Variants in CDKAL1 observed in about 807,000 individuals in gnomAD.
CDKAL1 encodes the protein CDKAL1 threonylcarbamoyladenosine tRNA methylthiotransferase.
In CDKAL1, 32 loss-of-function variants were observed where a neutral mutation model predicts 68.2. The observed-to-expected ratio is 0.47, with a 90% CI of 0.35 to 0.63. The LOEUF is 0.63. Ranked by LOEUF, CDKAL1 falls within the 30% of genes least tolerant of loss-of-function variation. The probability of loss-of-function intolerance (pLI) is 0.00; values close to 1 mark genes in which losing one functional copy is unlikely to be tolerated. For synonymous variants in CDKAL1, 234 were observed against 244.3 expected, an observed-to-expected ratio of 0.96 and a Z score of 0.39; for missense variants, 606 against 696.7, an observed-to-expected ratio of 0.87 and a Z score of 1.47.
intron 10 of CDKAL1, among the ~76,000 whole-genome samples, chr6:20,961,538 C>T (rs1250539135): frequency 2.6e-5 from 4 of 152,040 alleles, no homozygotes; most frequent in Non-Finnish European, 4.4e-5. Context: ...GAGGCCGAGG[C>T]GGGTGGATCA....
chr6:20,955,356 C>G (rs1035236989), intron 9 of CDKAL1, 63 bp from the exon 10 acceptor site: 1 of 1,474,006 alleles, frequency 6.8e-7, no homozygotes, highest in Admixed American at 1.7e-5. Context: ...AAACAGTGAG[C>G]AGCTGTATGA....
intron 5 of CDKAL1, among the ~76,000 whole-genome samples, chr6:20,696,465 C>A (rs1249641865): frequency 6.6e-6 from 1 of 152,168 alleles, no homozygotes; most frequent in Non-Finnish European, 1.5e-5. Context: ...GTTAGCCTAA[C>A]AGTTAGCAAA....
At chr6:20,982,871 T>G (rs1305456928) in intron 10 of CDKAL1, among the ~76,000 whole-genome samples, 3 of 152,328 alleles carry the variant, frequency 2.0e-5, no homozygotes, top group African/African-American at 7.2e-5. Context: ...AAACAACATT[T>G]TTTAGAAAGC....
At chr6:20,591,018 G>A (rs1424418196) in intron 4 of CDKAL1, among the ~76,000 whole-genome samples, 2 of 152,160 alleles carry the variant, frequency 1.3e-5, no homozygotes, top group Non-Finnish European at 2.9e-5. Flanking sequence ...TCTGGCATCT[G>A]TTGTTTCCTG....
chr6:21,202,974 A>G (rs1428143589), intron 15 of CDKAL1, among the ~76,000 whole-genome samples: 1 of 152,178 alleles, frequency 6.6e-6, no homozygotes, highest in Non-Finnish European at 1.5e-5. Flanking sequence ...ATAGTGTTGT[A>G]GCATGAGGCC....
intron 11 of CDKAL1, among the ~76,000 whole-genome samples, chr6:21,009,142 T>C (rs1404655949): frequency 1.3e-5 from 2 of 152,152 alleles, no homozygotes; most frequent in African/African-American, 4.8e-5. Context: ...GGTTAAGAAA[T>C]TTAGGTACAT....
chr6:21,012,673 C>T (rs6905258), intron 11 of CDKAL1, among the ~76,000 whole-genome samples: 38,301 of 152,044 alleles, frequency 0.25, 5,924 homozygotes, highest in African/African-American at 0.43. Context: ...CACTGAAGGA[C>T]GGTCTTTAGT....
At chr6:20,847,174 T>C (rs1001908190) in intron 9 of CDKAL1, among the ~76,000 whole-genome samples, 2 of 152,198 alleles carry the variant, frequency 1.3e-5, no homozygotes, top group Non-Finnish European at 2.9e-5. Context: ...TGTATATTCT[T>C]AGCTCAGTCC....
intron 5 of CDKAL1, among the ~76,000 whole-genome samples, chr6:20,664,899 A>G (rs1004654658): frequency 2.0e-5 from 3 of 152,122 alleles, no homozygotes; most frequent in Non-Finnish European, 4.4e-5. Context: ...CTTAAAACTC[A>G]GAGTAATCCA....
intron 10 of CDKAL1, among the ~76,000 whole-genome samples, chr6:20,998,015 AT>A (rs1767211220): frequency 1.3e-5 from 2 of 152,198 alleles, no homozygotes; most frequent in Admixed American, 6.5e-5. Flanking sequence ...CCTTCTCTCC[AT>A]TTTATAGATG....
At chr6:20,749,999 C>T (rs1028217908) in intron 6 of CDKAL1, among the ~76,000 whole-genome samples, 1 of 152,126 alleles carries the variant, frequency 6.6e-6, no homozygotes, top group Non-Finnish European at 1.5e-5. Context: ...AACCACCACA[C>T]CTGGCCCCAG....
intron 4 of CDKAL1, among the ~76,000 whole-genome samples, chr6:20,564,962 A>G (rs1764399546): frequency 6.6e-6 from 1 of 152,158 alleles, no homozygotes; most frequent in Admixed American, 6.6e-5. Flanking sequence ...AAATTAGATA[A>G]TATGAATTTG....
chr6:20,729,071 T>C (rs1772785957), intron 5 of CDKAL1, among the ~76,000 whole-genome samples: 2 of 152,328 alleles, frequency 1.3e-5, no homozygotes, highest in South Asian at 4.1e-4. Context: ...CATGATCACT[T>C]ATCAGGGATA....
intron 12 of CDKAL1, among the ~76,000 whole-genome samples, chr6:21,087,253 A>ATGGGTTG (rs1410985853): frequency 6.6e-6 from 1 of 152,198 alleles, no homozygotes; most frequent in African/African-American, 2.4e-5. Flanking sequence ...AGGACTCTAT[A>ATGGGTTG]TGGGTTGTAA....
chr6:20,791,405 G>A (rs954336509), intron 8 of CDKAL1, among the ~76,000 whole-genome samples: 7 of 152,116 alleles, frequency 4.6e-5, no homozygotes, highest in African/African-American at 1.7e-4. Flanking sequence ...GCAGAATTGT[G>A]ACTCGAACCA....
intron 11 of CDKAL1, among the ~76,000 whole-genome samples, chr6:21,057,637 G>C (rs1159644923): frequency 5.3e-5 from 8 of 151,452 alleles, no homozygotes; most frequent in Non-Finnish European, 7.4e-5. Flanking sequence ...GATCTTTCTA[G>C]CTTTTTGATC....
chr6:20,715,034 A>G (rs116385898), intron 5 of CDKAL1, among the ~76,000 whole-genome samples: 2,286 of 152,328 alleles, frequency 0.015, 49 homozygotes, highest in African/African-American at 0.052. Context: ...TCATCTTACA[A>G]TTATTCATTT....
At position 21,208,399 on chromosome 6, in the gene CDKAL1, AG is replaced by A. The variant is rs368654974; in HGVS notation, c.1548+7128del. Among the ~76,000 whole-genome samples the A allele has an allele frequency of 8.9e-4, 136 of 152,332 alleles. 3 individuals are homozygous for A. In the East Asian group the frequency reaches 0.02, roughly 22 times the overall value. On this transcript the variant is annotated intron_variant, in intron 15 of 15. Coordinates refer to ENST00000274695, the MANE Select transcript of CDKAL1 (RefSeq NM_017774.3). Reference sequence around the variant, plus strand: ...TCATTTCCAGAACCAGTGAAGTGAAAGGGTCTATTAGTTCAAGGCCAGATTT... The same window carrying A: ...TCATTTCCAGAACCAGTGAAGTGAAAGGTCTATTAGTTCAAGGCCAGATTT...
At chr6:20,544,013 T>C (rs1282983460) in intron 2 of CDKAL1, among the ~76,000 whole-genome samples, 5 of 151,984 alleles carry the variant, frequency 3.3e-5, no homozygotes, top group African/African-American at 1.2e-4. Context: ...GCTGGGATTA[T>C]AGGTGTGAGC....
Sources: gnomAD v4.1 joint callset for allele counts (sites outside exome capture counted in the v4.1 genomes callset) on GRCh38, gnomAD v4.1.1 for gene constraint, MANE v1.5 for transcripts, NCBI Gene and HGNC (gene_info 2026-07-23, HGNC 2026-07-21) for gene names.